Variants in AGAP1 observed in about 807,000 individuals in gnomAD.
The protein encoded by AGAP1 is arf-GAP with GTPase, ANK repeat and PH domain-containing protein 1.
A neutral mutation model predicts 105.3 loss-of-function variants in AGAP1; 29 were observed. The ratio of observed to expected loss-of-function variants is 0.28; its 90% CI spans 0.21 to 0.38. The LOEUF (loss-of-function observed/expected upper bound fraction) is 0.38. Ranked by LOEUF, AGAP1 falls within the 10% of genes least tolerant of loss-of-function variation. AGAP1 has a pLI of 1.00. For synonymous variants in AGAP1, 509 were observed against 485.9 expected, an observed-to-expected ratio of 1.05 and a Z score of -0.63; for missense variants, 998 against 1,165.1, an observed-to-expected ratio of 0.86 and a Z score of 2.09.
rs1488137902 is a variant in AGAP1, at chr2:235,721,535, C to G, written c.310+3891C>G. ...TAGGTGTGTAATATATGTATGTGTA[C>G]TTCAGTCCTAGCACTGTAGTAACGA... On this transcript the variant is annotated intron_variant, in intron 3 of 17. Coordinates refer to ENST00000304032, the MANE Select transcript of AGAP1 (RefSeq NM_001037131.3). The surrounding 1 kb of genome is among the most constrained non-coding windows in gnomAD (Gnocchi z 4.5). Among the ~76,000 whole-genome samples the G allele has an allele frequency of 6.6e-6, 1 of 151,236 alleles. No homozygotes were observed. The highest frequency in any genetic ancestry group is 1.5e-5 in the Non-Finnish European group (1 of 67,892).
chr2:235,695,757 G>A (rs1210979382), intron 1 of AGAP1, among the ~76,000 whole-genome samples: 2 of 152,186 alleles, frequency 1.3e-5, no homozygotes, highest in Non-Finnish European at 2.9e-5. Flanking sequence ...GGGGCACAAA[G>A]AAACCATGCG....
intron 9 of AGAP1, among the ~76,000 whole-genome samples, chr2:235,849,781 T>C (rs1293421472): frequency 1.3e-5 from 2 of 152,196 alleles, no homozygotes; most frequent in East Asian, 3.9e-4. Context: ...CTTTCCCTGC[T>C]CCACCGTCCA....
rs921317314 is a variant in AGAP1 at position 236,001,983 on chromosome 2, C to T, written c.1645+33360C>T. The stretch of plus-strand genomic sequence containing the variant: ...ACATCTCTGCCTGATTGGAAGCTTG[C>T]GTTGCACATTCAGCCCACGCCTCCA... On this transcript the variant is annotated intron_variant, in intron 13 of 17. Transcript: ENST00000304032. This position sits in a 1 kb window ranked among gnomAD's most constrained non-coding sequence, Gnocchi z 4.7. 3.3e-5 allele frequency among the ~76,000 whole-genome samples: 5 copies of T among 152,312 alleles called. No individual in the cohort carries two copies. Among genetic ancestry groups the T allele is most frequent in the East Asian group, 1.9e-4 (1 of 5,172 alleles).
chr2:235,776,112 G>C (rs1463718825), intron 6 of AGAP1, among the ~76,000 whole-genome samples: 1 of 152,114 alleles, frequency 6.6e-6, no homozygotes, highest in Non-Finnish European at 1.5e-5. Context: ...CTTAAGAACT[G>C]ATTTTGCTTT....
rs1416144715 is a variant in AGAP1 at position 235,845,399 on chromosome 2, G to A, written c.1051-37946G>A. Among the ~76,000 whole-genome samples, 1 of 152,066 alleles carries A rather than the reference G, an allele frequency of 6.6e-6. No individual in the cohort carries two copies. ...TGCAGATTTTGCAGACATGGAAGCA[G>A]AAAATCATATGATACCCTGAGTTCC... On this transcript the variant is annotated intron_variant, in intron 9 of 17. Coordinates refer to ENST00000304032, the MANE Select transcript of AGAP1 (RefSeq NM_001037131.3). This position sits in a 1 kb window ranked among gnomAD's most constrained non-coding sequence, Gnocchi z 4.8.
chr2:235,547,385 G>T (rs1229722746), intron 1 of AGAP1, among the ~76,000 whole-genome samples: 1 of 142,988 alleles, frequency 7.0e-6, no homozygotes, highest in Admixed American at 7.1e-5. Flanking sequence ...CTGAGATGGA[G>T]TCTCGCTCTG....
intron 9 of AGAP1, among the ~76,000 whole-genome samples, chr2:235,868,010 G>A (rs1022913487): frequency 2.6e-5 from 4 of 152,262 alleles, no homozygotes; most frequent in African/African-American, 9.6e-5. Flanking sequence ...ATGCAAATGT[G>A]TGATTGGTAC....
chr2:235,521,470 A>AT (rs778950496), intron 1 of AGAP1, among the ~76,000 whole-genome samples: 1 of 152,116 alleles, frequency 6.6e-6, no homozygotes, highest in African/African-American at 2.4e-5. Flanking sequence ...ACCTATAACT[A>AT]TTTTTTAATA....
intron 13 of AGAP1, among the ~76,000 whole-genome samples, chr2:235,999,510 A>ATGGTGG (rs371247715): frequency 8.8e-5 from 9 of 102,808 alleles, no homozygotes; most frequent in Admixed American, 2.7e-4. Context: ...GGTAGTGGTG[A>ATGGTGG]TGGTGGTGGT....
chr2:236,013,276 A>T (rs1191599701), intron 13 of AGAP1, among the ~76,000 whole-genome samples: 2 of 152,154 alleles, frequency 1.3e-5, no homozygotes, highest in Non-Finnish European at 1.5e-5. Context: ...GTGTAGTTAG[A>T]AGCACTTGAG....
intron 16 of AGAP1, among the ~76,000 whole-genome samples, chr2:236,057,416 G>C (rs2058079995): frequency 6.6e-6 from 1 of 152,084 alleles, no homozygotes; most frequent in South Asian, 2.1e-4. Flanking sequence ...GCCAAAACTC[G>C]ACCTTACAAG....
rs757100743 is a variant in AGAP1 at position 235,983,546 on chromosome 2, T to C, written c.1645+14923T>C. ...TCTCTTTTTTCTTTGAACTTTTTTT[T>C]ATTGTGGCAAAATACAGTCATGCAT... On this transcript the variant is annotated intron_variant, in intron 13 of 17. Transcript: ENST00000304032. This position sits in a 1 kb window ranked among gnomAD's most constrained non-coding sequence, Gnocchi z 4.5. Among the ~76,000 whole-genome samples, 1 of 152,354 alleles carries C rather than the reference T, an allele frequency of 6.6e-6. No individual in the cohort carries two copies. The highest frequency in any genetic ancestry group is 1.5e-5 in the Non-Finnish European group (1 of 68,034).
rs1349139624 is a variant in AGAP1, at chr2:235,959,043, C to T, written c.1484-9419C>T. Among the ~76,000 whole-genome samples the T allele has an allele frequency of 6.6e-6, 1 of 152,128 alleles. No homozygotes were observed. Among genetic ancestry groups the T allele is most frequent in the Non-Finnish European group, 1.5e-5 (1 of 68,028 alleles). ...GCCGGCCCATCCCGGCTCAGCGCCG[C>T]GCAGCTCGGGACCCCAGTCCCTCCG... On this transcript the variant is annotated intron_variant, in intron 12 of 17. Coordinates refer to ENST00000304032, the MANE Select transcript of AGAP1 (RefSeq NM_001037131.3). The surrounding 1 kb of genome is among the most constrained non-coding windows in gnomAD (Gnocchi z 7.3).
rs1175557484 is a variant in AGAP1, at chr2:235,961,774, C to T, written c.1484-6688C>T. The stretch of plus-strand genomic sequence containing the variant: ...ATACGAAAATTAGCTGGGCGTGGTG[C>T]AGGAGAATCTCTTGAACCCAGGAGG... On this transcript the variant is annotated intron_variant, in intron 12 of 17. Coordinates refer to ENST00000304032, the MANE Select transcript of AGAP1 (RefSeq NM_001037131.3). The surrounding 1 kb of genome is among the most constrained non-coding windows in gnomAD (Gnocchi z 5.9). 2.0e-5 allele frequency among the ~76,000 whole-genome samples: 3 copies of T among 152,178 alleles called. No homozygotes were observed. Among genetic ancestry groups the T allele is most frequent in the Non-Finnish European group, 4.4e-5 (3 of 68,036 alleles).
In AGAP1 at chr2:235,542,223, G is replaced by GC. The variant is rs1051048712; in HGVS notation, c.163+47374_163+47375insC. Among the ~76,000 whole-genome samples the GC allele has an allele frequency of 4.0e-5, 6 of 148,838 alleles. No individual in the cohort carries two copies. In the Admixed American group the frequency reaches 4.1e-4, roughly 10 times the overall value. ...CAGTTCAGACAGTGGGTCCCGGGGG[G>GC]GGGCCAGTTGTCAGAGAGCCCGGAG... On this transcript the variant is annotated intron_variant, in intron 1 of 17. Coordinates refer to ENST00000304032, the MANE Select transcript of AGAP1 (RefSeq NM_001037131.3).
At chr2:235,798,599 T>C (rs1957349566) in intron 7 of AGAP1, among the ~76,000 whole-genome samples, 1 of 152,164 alleles carries the variant, frequency 6.6e-6, no homozygotes, top group Non-Finnish European at 1.5e-5. Flanking sequence ...TCATGCTGGC[T>C]GGGCTGAGTG....
At chr2:235,837,017 C>T (rs1960246742) in intron 9 of AGAP1, among the ~76,000 whole-genome samples, 1 of 152,124 alleles carries the variant, frequency 6.6e-6, no homozygotes, top group African/African-American at 2.4e-5. Flanking sequence ...CGGAGTTTTG[C>T]TCTTGTTGCC....
At chr2:235,812,666 G>A (rs1163738390) in intron 9 of AGAP1, among the ~76,000 whole-genome samples, 1 of 152,248 alleles carries the variant, frequency 6.6e-6, no homozygotes, top group East Asian at 1.9e-4. Context: ...AAACTTGATA[G>A]AGATCGGAGG....
chr2:235,693,191 C>G (rs1038047057), intron 1 of AGAP1, among the ~76,000 whole-genome samples: 1 of 152,104 alleles, frequency 6.6e-6, no homozygotes, highest in African/African-American at 2.4e-5. Context: ...TTTGCTCAGC[C>G]GGCAGGCCTA....
Sources: gnomAD v4.1 joint callset for allele counts (sites outside exome capture counted in the v4.1 genomes callset) on GRCh38, gnomAD v4.1.1 for gene constraint, Gnocchi (gnomAD v3.1) non-coding constraint, MANE v1.5 for transcripts, NCBI Gene and HGNC (gene_info 2026-07-23, HGNC 2026-07-21) for gene names.